The following BRINP2 variants were observed in gnomAD, a reference collection of about 807,000 sequenced individuals.
The protein encoded by BRINP2 is BMP/retinoic acid-inducible neural-specific protein 2.
In BRINP2, 21 loss-of-function variants were observed where a neutral mutation model predicts 69.2. The ratio of observed to expected loss-of-function variants is 0.30; its 90% CI spans 0.22 to 0.44. BRINP2 has a LOEUF of 0.44. Among genes scored for constraint, BRINP2 ranks in the 20% least tolerant of loss-of-function variants. BRINP2 has a pLI of 1.00. For synonymous variants in BRINP2, 380 were observed against 394.1 expected, an observed-to-expected ratio of 0.96 and a Z score of 0.42; for missense variants, 877 against 986.0, an observed-to-expected ratio of 0.89 and a Z score of 1.48.
chr1:177,268,726 C>T (rs1571944352), intron 4 of BRINP2, among the ~76,000 whole-genome samples: 1 of 152,136 alleles, frequency 6.6e-6, no homozygotes, highest in South Asian at 2.1e-4. Context: ...GGTCTTAGAG[C>T]AGCAGAGACT....
intron 5 of BRINP2, 129 bp downstream of exon 5, chr1:177,273,722 A>T: frequency 1.8e-6 from 1 of 564,314 alleles, no homozygotes; most frequent in Non-Finnish European, 3.1e-6. Flanking sequence ...AAGAACTACC[A>T]CAAGTTCTGG....
chr1:177,198,219 A>G (rs1016140284), intron 1 of BRINP2, among the ~76,000 whole-genome samples: 1 of 152,222 alleles, frequency 6.6e-6, no homozygotes, highest in Non-Finnish European at 1.5e-5. Context: ...TTACATCTAA[A>G]CAGACAAAGG....
chr1:177,232,878 C>G (rs1307794910), intron 2 of BRINP2, among the ~76,000 whole-genome samples: 1 of 151,978 alleles, frequency 6.6e-6, no homozygotes, highest in African/African-American at 2.4e-5. Context: ...TTTAAGGAAG[C>G]TTTTGGGGCA....
chr1:177,228,673 G>C (rs753785010), intron 1 of BRINP2, among the ~76,000 whole-genome samples: 1 of 152,172 alleles, frequency 6.6e-6, no homozygotes, highest in African/African-American at 2.4e-5. Context: ...TGGTGCTGAC[G>C]AGGGGAGATG....
At position 177,255,949 on chromosome 1, in the gene BRINP2, G is replaced by C. The variant is rs750113010; in HGVS notation, c.300G>C (p.Leu100Phe). The change falls in exon 3 of 8, where the codon TTG becomes TTC. Residue 100 changes from leucine (L) to phenylalanine (F), a missense_variant. By Grantham distance (22) the Leu-to-Phe change is conservative. Around this residue, in one of 3 missense-constraint regions of BRINP2, gnomAD observed 566 missense variants for 625.2 expected, o/e 0.91. Transcript: ENST00000361539. ...TTGCCCGTTGGAAGGTGAACAACTTGGCTCTGGAAAGGAAGGACTTCTTCA... is the reference window on the plus strand; with the variant it reads ...TTGCCCGTTGGAAGGTGAACAACTTCGCTCTGGAAAGGAAGGACTTCTTCA... Reference protein sequence around the residue: ...REFARWKVNNLALERKDFFSL... With the variant: ...REFARWKVNNFALERKDFFSL... 1 of 1,614,188 alleles carries C rather than the reference G, an allele frequency of 6.2e-7. No homozygotes were observed. Among genetic ancestry groups the C allele is most frequent in the South Asian group, 1.1e-5 (1 of 91,082 alleles).
At chr1:177,171,761 C>T (rs1357745441) in intron 1 of BRINP2, 29 bp downstream of exon 1, 1 of 152,160 alleles carries the variant, frequency 6.6e-6, no homozygotes, top group Non-Finnish European at 1.5e-5. Context: ...GGTGATTTTT[C>T]TCCCCTTTTC....
intron 1 of BRINP2, among the ~76,000 whole-genome samples, chr1:177,222,876 G>C (rs967866950): frequency 6.6e-6 from 1 of 152,178 alleles, no homozygotes; most frequent in Non-Finnish European, 1.5e-5. Flanking sequence ...AGGCAGATTG[G>C]TTCTCAGGGC....
chr1:177,176,576 C>A (rs1648094334), intron 1 of BRINP2, among the ~76,000 whole-genome samples: 1 of 149,442 alleles, frequency 6.7e-6, no homozygotes, highest in Non-Finnish European at 1.5e-5. Flanking sequence ...TTAACAAAGG[C>A]CCTGCAAAGT....
intron 1 of BRINP2, among the ~76,000 whole-genome samples, chr1:177,176,757 T>C (rs1404740454): frequency 6.9e-6 from 1 of 144,190 alleles, no homozygotes; most frequent in Non-Finnish European, 1.5e-5. Flanking sequence ...CACCAACCTA[T>C]ATTTATTTGA....
chr1:177,229,861 A>G lies in BRINP2; in HGVS notation c.-16A>G, dbSNP rs1357383377. 3.8e-6 allele frequency: 6 copies of G among 1,562,072 alleles called. No homozygotes were observed. Among genetic ancestry groups the G allele is most frequent in the South Asian group, 2.4e-5 (2 of 83,680 alleles). Reference sequence around the variant, plus strand: ...GCGTGGCGAGAGAATGAAGAAACCAATCGCCCGGGAGAAGCATGAGGTGGC... The same window carrying G: ...GCGTGGCGAGAGAATGAAGAAACCAGTCGCCCGGGAGAAGCATGAGGTGGC... On this transcript the variant is annotated 5_prime_UTR_variant, in exon 2 of 8. Transcript: ENST00000361539.
chr1:177,235,677 A>G (rs1650000151), intron 2 of BRINP2, among the ~76,000 whole-genome samples: 1 of 152,204 alleles, frequency 6.6e-6, no homozygotes, highest in Non-Finnish European at 1.5e-5. Flanking sequence ...TGGGAGAGGC[A>G]CCATCTCCAA....
intron 2 of BRINP2, among the ~76,000 whole-genome samples, chr1:177,234,998 A>G (rs964617723): frequency 6.6e-6 from 1 of 152,224 alleles, no homozygotes; most frequent in African/African-American, 2.4e-5. Context: ...TCATCAGGAT[A>G]AACAATAAGA....
chr1:177,276,174 T>G (rs749039478), intron 5 of BRINP2, 24 bp from the exon 6 acceptor site: 2 of 1,599,438 alleles, frequency 1.3e-6, no homozygotes, highest in Admixed American at 1.7e-5. Context: ...TTCCCAGAGA[T>G]TCCTTGACAC....
intron 1 of BRINP2, among the ~76,000 whole-genome samples, chr1:177,206,472 G>A (rs923376352): frequency 1.7e-4 from 26 of 152,282 alleles, no homozygotes; most frequent in African/African-American, 5.5e-4. Context: ...GAATCTTTGT[G>A]TACATCTTCA....
chr1:177,199,797 A>G (rs950929856), intron 1 of BRINP2, among the ~76,000 whole-genome samples: 7 of 152,190 alleles, frequency 4.6e-5, no homozygotes, highest in Non-Finnish European at 1.5e-5. Context: ...AATATAGCCA[A>G]ACTCCTTTCT....
intron 1 of BRINP2, among the ~76,000 whole-genome samples, chr1:177,211,901 A>G (rs1264501620): frequency 6.6e-6 from 1 of 152,176 alleles, no homozygotes; most frequent in Non-Finnish European, 1.5e-5. Flanking sequence ...ATGGATTATC[A>G]CTGTGATGAT....
chr1:177,180,408 T>G (rs1394164552), intron 1 of BRINP2, among the ~76,000 whole-genome samples: 1 of 152,186 alleles, frequency 6.6e-6, no homozygotes, highest in African/African-American at 2.4e-5. Context: ...TCAGCCTCAG[T>G]ACCCCCACCT....
chr1:177,220,665 T>A (rs114441206), intron 1 of BRINP2, among the ~76,000 whole-genome samples: 1 of 152,172 alleles, frequency 6.6e-6, no homozygotes, highest in Non-Finnish European at 1.5e-5. Context: ...AACGGCCTAA[T>A]GCAGGGTACA....
At chr1:177,278,066 G>C (rs1279566448) in intron 6 of BRINP2, among the ~76,000 whole-genome samples, 1 of 152,190 alleles carries the variant, frequency 6.6e-6, no homozygotes. Flanking sequence ...TCAGGGACTG[G>C]AGGATTTATA....
Sources: allele counts gnomAD v4.1 joint callset (sites outside exome capture counted in the v4.1 genomes callset), GRCh38; gene constraint gnomAD v4.1.1; regional missense constraint gnomAD v4.1.1; transcripts MANE v1.5; gene names NCBI Gene and HGNC (gene_info 2026-07-23, HGNC 2026-07-21).